The following CEP89 variants were observed in gnomAD, a reference collection of about 807,000 sequenced individuals.
CEP89 encodes centrosomal protein 89.
CEP89 carries 95 observed loss-of-function variants against 97.6 expected under a neutral mutation model. That is an observed-to-expected ratio of 0.97 (90% confidence interval 0.82 to 1.15). The LOEUF is 1.15. Among genes scored for constraint, CEP89 ranks in the 50% most tolerant of loss-of-function variants. The pLI is 0.00. For missense variants in CEP89, 869 were observed against 947.7 expected (o/e 0.92, Z 1.09); for synonymous variants, 354 against 349.1 (o/e 1.01, Z -0.16).
chr19:32,878,048 G>A lies in CEP89; in HGVS notation c.*1114C>T, dbSNP rs1458851054. ...GCCTGCCTCGACCTCCCAAAGTGCT[G>A]GGATTACAGGAGTGAGCCACCATGG... is the stretch of plus-strand genomic sequence containing the variant. On this transcript the variant is annotated 3_prime_UTR_variant, in exon 19 of 19. Transcript: ENST00000305768. The A allele has an allele frequency of 6.6e-6, 1 of 152,200 alleles. No individual in the cohort carries two copies. The highest frequency in any genetic ancestry group is 1.5e-5 in the Non-Finnish European group (1 of 68,072). The allele number at this position is 152,200 out of a possible 1,614,324, so 9.4% of individuals were successfully genotyped here.
intron 14 of CEP89, among the ~76,000 whole-genome samples, chr19:32,914,148 G>A (rs954938803): frequency 1.4e-4 from 21 of 151,998 alleles, no homozygotes; most frequent in Non-Finnish European, 2.2e-4. Flanking sequence ...GACATATGGT[G>A]GCTATTTTCC....
At chr19:32,948,578 G>A (rs1186389013) in intron 4 of CEP89, among the ~76,000 whole-genome samples, 1 of 152,094 alleles carries the variant, frequency 6.6e-6, no homozygotes, top group Admixed American at 6.6e-5. Flanking sequence ...AAAGCTTAGG[G>A]GGCAAAGGCA....
At chr19:32,948,698 C>G (rs1049313019) in intron 4 of CEP89, among the ~76,000 whole-genome samples, 5 of 152,134 alleles carry the variant, frequency 3.3e-5, no homozygotes, top group African/African-American at 1.2e-4. Context: ...CCACTCCACC[C>G]TGGTACTGAC....
Position 32,876,091 on chromosome 19 carries a change from TC to T in CEP89, c.*3070del. On this transcript the variant is annotated 3_prime_UTR_variant, in exon 19 of 19. Transcript: ENST00000305768. Reference sequence around the variant, plus strand: ...GCCTGCTTTGTCCACTGTCTCCATTTCCCCAGGGCTGCTTTTACTTTTTATT... The same window carrying T: ...GCCTGCTTTGTCCACTGTCTCCATTTCCCAGGGCTGCTTTTACTTTTTATT... 6.5e-6 allele frequency: 1 copy of T among 152,696 alleles called. No individual in the cohort carries two copies. Among genetic ancestry groups the T allele is most frequent in the Non-Finnish European group, 1.5e-5 (1 of 68,398 alleles). The allele number at this position is 152,696 out of a possible 1,614,324, so 9.5% of individuals were successfully genotyped here.
At position 32,877,205 on chromosome 19, in the gene CEP89, A is replaced by G. The variant is rs1034959509; in HGVS notation, c.*1957T>C. On this transcript the variant is annotated 3_prime_UTR_variant, in exon 19 of 19. Coordinates refer to ENST00000305768, the MANE Select transcript of CEP89 (RefSeq NM_032816.5). ...ATTACAATGATTCAACTGTTGAACA[A>G]GCTTATAGAGTCATAAAAGAACTAT... The G allele has an allele frequency of 6.6e-6, 1 of 152,222 alleles. No individual in the cohort carries two copies. The highest frequency in any genetic ancestry group is 1.5e-5 in the Non-Finnish European group (1 of 68,042). The allele number at this position is 152,222 out of a possible 1,614,324, so 9.4% of individuals were successfully genotyped here. A position where few individuals can be genotyped will look rare whatever the true frequency, so the allele number is the denominator to read the frequency against.
intron 2 of CEP89, among the ~76,000 whole-genome samples, chr19:32,964,821 AC>A (rs1389369760): frequency 6.6e-6 from 1 of 151,800 alleles, no homozygotes; most frequent in East Asian, 1.9e-4. Context: ...GAGCATGAGG[AC>A]CCTTGTCAGA....
At chr19:32,893,413 T>C (rs780245728) in intron 16 of CEP89, among the ~76,000 whole-genome samples, 6 of 152,140 alleles carry the variant, frequency 3.9e-5, no homozygotes, top group Non-Finnish European at 8.8e-5. Flanking sequence ...AAAGGGGAGA[T>C]AGACTACAAT....
intron 5 of CEP89, among the ~76,000 whole-genome samples, chr19:32,944,220 T>TACAAAAAAAAAAAAAAAAAAA: frequency 1.6e-5 from 1 of 62,420 alleles, no homozygotes; most frequent in Non-Finnish European, 3.0e-5. Context: ...TGAGACCCTG[T>TACAAAAAAAAAAAAAAAAAAA]AAAAAAAAAA....
At chr19:32,945,062 T>TAGGA (rs1970767392) in intron 5 of CEP89, among the ~76,000 whole-genome samples, 1 of 152,084 alleles carries the variant, frequency 6.6e-6, no homozygotes, top group African/African-American at 2.4e-5. Context: ...TCTGTGTACT[T>TAGGA]GTGAAAAGTA....
intron 17 of CEP89, among the ~76,000 whole-genome samples, chr19:32,882,624 A>G (rs73049177): frequency 0.013 from 1,901 of 151,962 alleles, 17 homozygotes; most frequent in Non-Finnish European, 0.019. Flanking sequence ...ATTAATCTAC[A>G]ACTGTATTTT....
chr19:32,892,688 A>C (rs1040785536), intron 16 of CEP89, among the ~76,000 whole-genome samples: 11 of 151,802 alleles, frequency 7.2e-5, no homozygotes, highest in Non-Finnish European at 1.2e-4. Flanking sequence ...AAAAAAAAAA[A>C]AAAAAACCTG....
chr19:32,968,429 G>A (rs535087413), intron 1 of CEP89, among the ~76,000 whole-genome samples: 1 of 152,268 alleles, frequency 6.6e-6, no homozygotes, highest in East Asian at 1.9e-4. Flanking sequence ...TTGTATTTTG[G>A]TAGAGATGGG....
chr19:32,956,763 T>G (rs1971058093), intron 3 of CEP89, among the ~76,000 whole-genome samples: 1 of 152,238 alleles, frequency 6.6e-6, no homozygotes, highest in South Asian at 2.1e-4. Context: ...TTAATATTAT[T>G]TTGCTTATAT....
intron 10 of CEP89, among the ~76,000 whole-genome samples, chr19:32,926,583 A>C (rs1343743357): frequency 6.6e-6 from 1 of 152,204 alleles, no homozygotes; most frequent in Non-Finnish European, 1.5e-5. Flanking sequence ...CGTTGCCCGA[A>C]GCCATTCCCA....
At chr19:32,896,777 CTCTTTT>C (rs1264461713) in intron 16 of CEP89, among the ~76,000 whole-genome samples, 1 of 151,172 alleles carries the variant, frequency 6.6e-6, no homozygotes, top group African/African-American at 2.4e-5. Flanking sequence ...CTCTCTCTCT[CTCTTTT>C]TTTTTTTAAG....
In CEP89 at chr19:32,893,623, G is replaced by A. The variant is rs377072508; in HGVS notation, c.1876-5782C>T. Reference sequence around the variant, plus strand: ...TTGTCTAGCATACACTGTGTGTTACGCTACAAAGCAAGCTCAACAAATTTA... The same window carrying A: ...TTGTCTAGCATACACTGTGTGTTACACTACAAAGCAAGCTCAACAAATTTA... On this transcript the variant is annotated intron_variant, in intron 16 of 18. Transcript: ENST00000305768. 3.5e-4 allele frequency among the ~76,000 whole-genome samples: 54 copies of A among 152,284 alleles called. No individual in the cohort carries two copies. In the South Asian group the frequency reaches 9.9e-3, roughly 28 times the overall value.
rs1224894370 is a variant in CEP89 at position 32,937,671 on chromosome 19, A to C, written c.627T>G (p.Asp209Glu). Residue 209 changes from aspartate to glutamate, a missense_variant and splice_region_variant, in exon 7 of 19, where the codon GAT (aspartate) becomes GAG (glutamate). Transcript: ENST00000305768. ...GTTTCTCACATAATGGAGGTTTTTC[A>C]TCCTAGGAAAGAAAGAACATAAGAG... ...DGKHPVLNLK[D>E]EKPPLCEKPP... is the part of the protein sequence containing the mutation. The C allele has an allele frequency of 6.2e-7, 1 of 1,604,298 alleles. No individual in the cohort carries two copies. Among genetic ancestry groups the C allele is most frequent in the African/African-American group, 1.3e-5 (1 of 74,494 alleles).
At chr19:32,910,341 A>G (rs2145900256) in intron 14 of CEP89, among the ~76,000 whole-genome samples, 1 of 151,854 alleles carries the variant, frequency 6.6e-6, no homozygotes, top group East Asian at 1.9e-4. Context: ...GAAATGGTAC[A>G]CCTGTACAGG....
At chr19:32,893,721 A>C (rs1969582021) in intron 16 of CEP89, among the ~76,000 whole-genome samples, 1 of 152,242 alleles carries the variant, frequency 6.6e-6, no homozygotes, top group Admixed American at 6.5e-5. Flanking sequence ...AACAAGAGGA[A>C]CTTTGGAAAC....
Sources: allele counts gnomAD v4.1 joint callset (sites outside exome capture counted in the v4.1 genomes callset), GRCh38; gene constraint gnomAD v4.1.1; transcripts MANE v1.5; gene names NCBI Gene and HGNC (gene_info 2026-07-23, HGNC 2026-07-21).